Variants in PLEKHA5 observed in about 807,000 individuals in gnomAD.
PLEKHA5 encodes the protein pleckstrin homology domain-containing family A member 5.
A neutral mutation model predicts 181.9 loss-of-function variants in PLEKHA5; 55 were observed. The observed-to-expected ratio is 0.30, with a 90% CI of 0.24 to 0.38. The LOEUF (loss-of-function observed/expected upper bound fraction) is 0.38, where lower values mean the gene tolerates loss of function less well. Among genes scored for constraint, PLEKHA5 ranks in the 10% least tolerant of loss-of-function variants. The probability of loss-of-function intolerance (pLI) is 1.00; values close to 1 mark genes in which losing one functional copy is unlikely to be tolerated. For missense variants in PLEKHA5, 1,432 were observed against 1,549.5 expected, an observed-to-expected ratio of 0.92 and a Z score of 1.27; for synonymous variants, 535 against 529.4, an observed-to-expected ratio of 1.01 and a Z score of -0.15.
chr12:19,291,984 T>G (rs770745756), intron 15 of PLEKHA5, among the ~76,000 whole-genome samples: 3 of 152,174 alleles, frequency 2.0e-5, no homozygotes, highest in Non-Finnish European at 4.4e-5. Context: ...CACCTACTCC[T>G]TGAGGCTTAT....
intron 26 of PLEKHA5, among the ~76,000 whole-genome samples, chr12:19,355,315 A>G (rs2094861266): frequency 6.6e-6 from 1 of 151,124 alleles, no homozygotes; most frequent in South Asian, 2.1e-4. Context: ...AAGACAAGAA[A>G]GGTACTACAT....
At chr12:19,289,656 A>G (rs1012641881) in intron 13 of PLEKHA5, among the ~76,000 whole-genome samples, 2 of 152,200 alleles carry the variant, frequency 1.3e-5, no homozygotes, top group South Asian at 2.1e-4. Context: ...AAGGAATTTC[A>G]TCCACTGTTG....
chr12:19,143,807 A>G (rs1327938448), intron 3 of PLEKHA5, among the ~76,000 whole-genome samples: 1 of 152,136 alleles, frequency 6.6e-6, no homozygotes, highest in Non-Finnish European at 1.5e-5. Flanking sequence ...ATATTTATTC[A>G]GTAGAAGGTT....
At chr12:19,231,702 A>G (rs2060650882) in intron 3 of PLEKHA5, among the ~76,000 whole-genome samples, 1 of 151,140 alleles carries the variant, frequency 6.6e-6, no homozygotes, top group Non-Finnish European at 1.5e-5. Context: ...TTATCATGCT[A>G]GAATTTGAAG....
chr12:19,286,304 AAC>A (rs2077200735), intron 12 of PLEKHA5, among the ~76,000 whole-genome samples: 2 of 152,248 alleles, frequency 1.3e-5, no homozygotes, highest in Non-Finnish European at 2.9e-5. Flanking sequence ...ATATTAATGT[AAC>A]AGAGTATCAA....
rs562581974 is a variant in PLEKHA5 at position 19,217,872 on chromosome 12, C to T, written c.228-36068C>T. Among the ~76,000 whole-genome samples the T allele has an allele frequency of 9.2e-5, 14 of 152,248 alleles. 1 individual carries two copies. The highest frequency in any genetic ancestry group is 3.1e-4 in the African/African-American group (13 of 41,546). On this transcript the variant is annotated intron_variant, in intron 3 of 31. Coordinates refer to ENST00000429027, the MANE Select transcript of PLEKHA5 (RefSeq NM_001256470.2). ...GTGCTTTTTAAATTTGAGGACTTAA[C>T]AATATTTACAAGCTTTCAGAATAGT...
intron 3 of PLEKHA5, among the ~76,000 whole-genome samples, chr12:19,218,912 T>A (rs28716865): frequency 0.011 from 1,598 of 144,746 alleles, 21 homozygotes; most frequent in East Asian, 0.055. Flanking sequence ...TATTATTTTT[T>A]TTTTTACTTT....
intron 8 of PLEKHA5, among the ~76,000 whole-genome samples, chr12:19,267,430 G>A (rs1341603303): frequency 6.6e-6 from 1 of 152,006 alleles, no homozygotes; most frequent in East Asian, 1.9e-4. Flanking sequence ...GGCTGAGGCA[G>A]GTCAGGATCA....
chr12:19,290,064 T>A (rs1251920564), intron 13 of PLEKHA5, among the ~76,000 whole-genome samples: 1 of 152,096 alleles, frequency 6.6e-6, no homozygotes, highest in African/African-American at 2.4e-5. Flanking sequence ...TGCCTCAGCC[T>A]CCCGAGTAGC....
In PLEKHA5 at chr12:19,321,315, T is replaced by C. The variant is rs192322156; in HGVS notation, c.2217+691T>C. Among the ~76,000 whole-genome samples, 217 of 151,368 alleles carry C rather than the reference T, an allele frequency of 1.4e-3. 2 individuals are homozygous for C. Among genetic ancestry groups the C allele is most frequent in the Non-Finnish European group, 3.7e-4 (25 of 67,852 alleles). ...TTTTAGATTGCTGATTTGCCATACA[T>C]TCTTCACTCATTATACCCCCTTTTC... is the stretch of plus-strand genomic sequence containing the variant. On this transcript the variant is annotated intron_variant, in intron 18 of 31. Transcript: ENST00000429027.
chr12:19,173,185 G>A (rs533629896), intron 3 of PLEKHA5, among the ~76,000 whole-genome samples: 2 of 149,158 alleles, frequency 1.3e-5, no homozygotes, highest in African/African-American at 2.5e-5. Context: ...CACCGCGCCC[G>A]GCTAATTTTT....
At chr12:19,149,231 C>T (rs111818133) in intron 3 of PLEKHA5, among the ~76,000 whole-genome samples, 4,143 of 152,122 alleles carry the variant, frequency 0.027, 188 homozygotes, top group African/African-American at 0.094. Context: ...TTCAAAAACT[C>T]AGTGGCTTGC....
rs1402829897 is a variant in PLEKHA5 at position 19,269,763 on chromosome 12, C to T, written c.712-7C>T. 6.9e-7 allele frequency: 1 copy of T among 1,448,982 alleles called. No individual in the cohort carries two copies. Among genetic ancestry groups the T allele is most frequent in the East Asian group, 2.3e-5 (1 of 43,792 alleles). The allele number at this position is 1,448,982 out of a possible 1,614,324, so 89.8% of individuals were successfully genotyped here. ...TTATTTAAAATGATCGTGTCATTTT[C>T]AATCAGGCAGCCCATCCAAACATGC... On this transcript the variant is annotated splice_region_variant and splice_polypyrimidine_tract_variant and intron_variant, in intron 8 of 31. Transcript: ENST00000429027.
chr12:19,300,568 T>C (rs1251471209), intron 15 of PLEKHA5, among the ~76,000 whole-genome samples: 1 of 152,214 alleles, frequency 6.6e-6, no homozygotes, highest in Non-Finnish European at 1.5e-5. Context: ...TGCAAAGATT[T>C]ATGGAACTCA....
At chr12:19,256,306 G>A (rs200995082) in intron 5 of PLEKHA5, among the ~76,000 whole-genome samples, 3 of 152,214 alleles carry the variant, frequency 2.0e-5, no homozygotes, top group East Asian at 1.9e-4. Flanking sequence ...ATAGGCATTC[G>A]GTTTATATAG....
chr12:19,258,561 CTTT>C (rs71440398), intron 6 of PLEKHA5, among the ~76,000 whole-genome samples: 1 of 123,796 alleles, frequency 8.1e-6, no homozygotes, highest in Non-Finnish European at 1.6e-5. Flanking sequence ...TTTTCTTTTT[CTTT>C]TTTTTTTTTT....
At chr12:19,292,482 A>C (rs969977864) in intron 15 of PLEKHA5, among the ~76,000 whole-genome samples, 1 of 151,916 alleles carries the variant, frequency 6.6e-6, no homozygotes, top group Non-Finnish European at 1.5e-5. Context: ...TGTGTAGTGG[A>C]GGTGATTTGC....
intron 3 of PLEKHA5, chr12:19,153,956 G>A (rs1212849001): frequency 6.6e-6 from 1 of 152,128 alleles, no homozygotes; most frequent in African/African-American, 2.4e-5. Context: ...CATGGAGAAA[G>A]GGATATTATA....
chr12:19,349,444 T>C (rs1213743127), intron 25 of PLEKHA5, among the ~76,000 whole-genome samples: 1 of 152,098 alleles, frequency 6.6e-6, no homozygotes, highest in African/African-American at 2.4e-5. Flanking sequence ...GTGTTTAAAA[T>C]TATGCATAAG....
Sources: allele counts gnomAD v4.1 joint callset (sites outside exome capture counted in the v4.1 genomes callset), GRCh38; gene constraint gnomAD v4.1.1; transcripts MANE v1.5; gene names NCBI Gene and HGNC (gene_info 2026-07-23, HGNC 2026-07-21).